SCGB2B2: variants seen among roughly 807,000 people sequenced by gnomAD.
SCGB2B2 encodes the protein secretoglobin family 2B member 2, also known as secretoglobin-like protein.
In SCGB2B2, 11 loss-of-function variants were observed where a neutral mutation model predicts 7.6. The observed-to-expected ratio is 1.45, with a 90% CI of 0.91 to 2.40. SCGB2B2 has a LOEUF of 2.40. SCGB2B2 is among the 30% of genes most tolerant of loss of function. SCGB2B2 has a pLI of 0.00. For missense variants in SCGB2B2, 104 were observed against 115.4 expected (o/e 0.90, Z 0.45); for synonymous variants, 50 against 48.6 (o/e 1.03, Z -0.12).
chr19:34,665,057 TCTGACC>T (rs2067576971), intron 1 of SCGB2B2, among the ~76,000 whole-genome samples: 1 of 152,174 alleles, frequency 6.6e-6, no homozygotes, highest in Admixed American at 6.5e-5. Flanking sequence ...GGGATGCCTT[TCTGACC>T]CTGGACCTGC....
chr19:34,663,412 T>C (rs2067518670), intron 1 of SCGB2B2, among the ~76,000 whole-genome samples: 1 of 152,184 alleles, frequency 6.6e-6, no homozygotes, highest in African/African-American at 2.4e-5. Context: ...TGTGGATTGA[T>C]AGCAACAGCA....
intron 1 of SCGB2B2, among the ~76,000 whole-genome samples, chr19:34,606,564 A>G (rs2065786025): frequency 6.9e-6 from 1 of 144,370 alleles, no homozygotes; most frequent in Admixed American, 6.9e-5. Flanking sequence ...ATAAATTTTT[A>G]TCAAATTTCA....
At chr19:34,631,741 T>A (rs764649213) in intron 1 of SCGB2B2, among the ~76,000 whole-genome samples, 3 of 152,096 alleles carry the variant, frequency 2.0e-5, no homozygotes, top group Non-Finnish European at 4.4e-5. Context: ...CACAATACTT[T>A]TATTAGAAAA....
At chr19:34,608,510 T>C (rs2065839958) in intron 1 of SCGB2B2, among the ~76,000 whole-genome samples, 1 of 151,316 alleles carries the variant, frequency 6.6e-6, no homozygotes, top group Non-Finnish European at 1.5e-5. Flanking sequence ...TTCTATGAGA[T>C]GAACTTTTTT....
intron 1 of SCGB2B2, among the ~76,000 whole-genome samples, chr19:34,673,110 A>C (rs557512246): frequency 1.4e-3 from 216 of 152,310 alleles, no homozygotes; most frequent in African/African-American, 5.0e-3. Flanking sequence ...CAACAGCAAA[A>C]ATTACTGATT....
intron 1 of SCGB2B2, chr19:34,608,879 ATT>A (rs2065856311): frequency 1.3e-5 from 2 of 151,286 alleles, no homozygotes; most frequent in Non-Finnish European, 3.0e-5. Context: ...TGGTAATTCT[ATT>A]TTTGTTTTTT....
chr19:34,608,684 T>TATACATATATATATATATATATATATAC (rs879668084), intron 1 of SCGB2B2: 1 of 126,622 alleles, frequency 7.9e-6, no homozygotes, highest in Non-Finnish European at 1.7e-5. Context: ...TATATATATA[T>TATACATATATATATATATATATATATAC]ACCGTATTTT....
intron 1 of SCGB2B2, among the ~76,000 whole-genome samples, chr19:34,598,227 T>G (rs930239119): frequency 2.6e-5 from 4 of 152,232 alleles, no homozygotes; most frequent in Admixed American, 6.5e-5. Flanking sequence ...ACGGCACAAC[T>G]TGACACAACA....
At chr19:34,669,543 C>T (rs1009647698) in intron 1 of SCGB2B2, among the ~76,000 whole-genome samples, 32 of 152,302 alleles carry the variant, frequency 2.1e-4, no homozygotes, top group African/African-American at 6.7e-4. Flanking sequence ...CAGGCTGGCA[C>T]CATAGTGCTC....
chr19:34,648,738 CTT>C (rs2067086087), intron 1 of SCGB2B2, among the ~76,000 whole-genome samples: 1 of 151,174 alleles, frequency 6.6e-6, no homozygotes, highest in African/African-American at 2.4e-5. Context: ...ATATATTACT[CTT>C]TAATATTTTT....
rs1019961646 is a variant in SCGB2B2 at position 34,655,678 on chromosome 19, A to T, written c.-2032+19952T>A. Among the ~76,000 whole-genome samples the T allele has an allele frequency of 4.6e-5, 7 of 151,400 alleles. 1 individual carries two copies. The highest frequency in any genetic ancestry group is 1.7e-4 in the African/African-American group (7 of 40,648). On this transcript the variant is annotated intron_variant, in intron 1 of 3. Transcript: ENST00000601241. ...CCTTCGAAAAATATTTTCTAAGTTGATTGAGACCTCTCTCAGATACCTTCT... is the reference window on the plus strand; with the variant it reads ...CCTTCGAAAAATATTTTCTAAGTTGTTTGAGACCTCTCTCAGATACCTTCT...
intron 1 of SCGB2B2, among the ~76,000 whole-genome samples, chr19:34,636,217 G>A (rs751335925): frequency 5.9e-5 from 9 of 152,194 alleles, no homozygotes; most frequent in East Asian, 1.9e-4. Context: ...ACTGACTTTC[G>A]TGGGAGAGGC....
intron 1 of SCGB2B2, among the ~76,000 whole-genome samples, chr19:34,617,108 T>G (rs1473689287): frequency 6.6e-6 from 1 of 152,240 alleles, no homozygotes; most frequent in Non-Finnish European, 1.5e-5. Flanking sequence ...TAGTTTGAAG[T>G]CAGGTAGTGT....
At position 34,592,393 on chromosome 19, in the gene SCGB2B2, G is replaced by A. The variant is rs1314507576; in HGVS notation, c.*1162C>T. On this transcript the variant is annotated 3_prime_UTR_variant, in exon 4 of 4. Transcript: ENST00000601241. ...GGTATTCCCATGGAAGGGGAGTGAG[G>A]CTGGAGGCAGGGAGACTCAGAGGGA... 6.7e-5 allele frequency among the ~76,000 whole-genome samples: 10 copies of A among 149,712 alleles called. No individual in the cohort carries two copies. The Admixed American group carries it at 6.8e-4, about 10-fold the overall frequency.
chr19:34,635,689 AC>A, intron 1 of SCGB2B2: 1 of 189,612 alleles, frequency 5.3e-6, no homozygotes, highest in African/African-American at 2.4e-5. Flanking sequence ...CACCTGTGAT[AC>A]CCTTCTCCAA....
intron 1 of SCGB2B2, among the ~76,000 whole-genome samples, chr19:34,628,981 A>G (rs577914557): frequency 6.6e-6 from 1 of 151,794 alleles, no homozygotes; most frequent in African/African-American, 2.4e-5. Flanking sequence ...AAATCAATAA[A>G]CGTAATCTAT....
intron 1 of SCGB2B2, chr19:34,635,394 G>A: frequency 3.4e-6 from 1 of 297,928 alleles, no homozygotes; most frequent in Non-Finnish European, 7.0e-6. Flanking sequence ...AACAAGGTGG[G>A]TGCTTCTGCT....
intron 1 of SCGB2B2, among the ~76,000 whole-genome samples, chr19:34,659,383 G>T (rs1568442330): frequency 6.6e-6 from 1 of 152,146 alleles, no homozygotes; most frequent in Non-Finnish European, 1.5e-5. Context: ...TTTATATTTA[G>T]AAAACCTCAT....
chr19:34,631,112 T>TG (rs1475533726), intron 1 of SCGB2B2, among the ~76,000 whole-genome samples: 1 of 89,116 alleles, frequency 1.1e-5, no homozygotes, highest in Non-Finnish European at 2.1e-5. Context: ...CGGGGCCTGT[T>TG]GTGGGGTGGG....
Sources: gnomAD v4.1 joint callset for allele counts (sites outside exome capture counted in the v4.1 genomes callset) on GRCh38, gnomAD v4.1.1 for gene constraint, MANE v1.5 for transcripts, NCBI Gene and HGNC (gene_info 2026-07-23, HGNC 2026-07-21) for gene names.